The following CORO7 variants were observed in gnomAD, a reference collection of about 807,000 sequenced individuals.
The protein encoded by CORO7 is coronin 7.
A neutral mutation model predicts 126.6 loss-of-function variants in CORO7; 107 were observed. The ratio of observed to expected loss-of-function variants is 0.85; its 90% CI spans 0.72 to 0.99. The LOEUF (loss-of-function observed/expected upper bound fraction) is 0.99, where lower values mean the gene tolerates loss of function less well. CORO7 is among the 50% of genes least tolerant of loss of function. The pLI is 0.00. For synonymous variants in CORO7, 603 were observed against 536.8 expected (o/e 1.12, Z -1.70); for missense variants, 1,314 against 1,255.8 (o/e 1.05, Z -0.70).
chr16:4,365,196 A>C, intron 10 of CORO7, 136 bp from the exon 11 acceptor site: 2 of 1,381,456 alleles, frequency 1.4e-6, no homozygotes, highest in Non-Finnish European at 9.8e-7. Flanking sequence ...GCTCCCCAAC[A>C]TGCTGGGCGC....
intron 14 of CORO7, among the ~76,000 whole-genome samples, chr16:4,363,785 G>A (rs1014109672): frequency 4.6e-5 from 7 of 150,970 alleles, no homozygotes; most frequent in Non-Finnish European, 8.9e-5. Context: ...TTGGGAGGCC[G>A]AGGCGGGTGG....
Position 4,355,153 on chromosome 16 carries a change from G to T in CORO7, c.*5C>A. Reference sequence around the variant, plus strand: ...CAGGTGAGGTGGAGGTGACGGGGGCGCAGGCTAGTCCTGGGGCGAAACACC... The same window carrying T: ...CAGGTGAGGTGGAGGTGACGGGGGCTCAGGCTAGTCCTGGGGCGAAACACC... On this transcript the variant is annotated 3_prime_UTR_variant, in exon 28 of 28. Coordinates refer to ENST00000251166, the MANE Select transcript of CORO7 (RefSeq NM_024535.5). 1 of 1,511,798 alleles carries T rather than the reference G, an allele frequency of 6.6e-7. No homozygotes were observed. The highest frequency in any genetic ancestry group is 2.1e-5 in the Admixed American group (1 of 47,674). The allele number at this position is 1,511,798 out of a possible 1,614,324, so 93.6% of individuals were successfully genotyped here.
rs1366661696 is a variant in CORO7, at chr16:4,395,322, G to T, written c.582C>A (p.Ile194=). ...GTACKDKQLR[I]FDPRTKPRAS... is the part of the protein sequence containing the mutation. ...CCCGCGGCTTTGTTCTGGGGTCAAA[G>T]ATCCGCAGCTGCTTGTCCTGGAAAA... is the stretch of plus-strand genomic sequence containing the variant. The change falls in exon 7 of 28, where the codon ATC becomes ATA. Residue 194 remains isoleucine, a synonymous_variant. Transcript: ENST00000251166. 1 of 1,613,980 alleles carries T rather than the reference G, an allele frequency of 6.2e-7. No homozygotes were observed. Among genetic ancestry groups the T allele is most frequent in the African/African-American group, 1.3e-5 (1 of 74,946 alleles).
chr16:4,382,507 C>T (rs1325136474), intron 9 of CORO7: 5 of 1,592,334 alleles, frequency 3.1e-6, no homozygotes, highest in Admixed American at 3.5e-5. Context: ...CGGGCGGGTG[C>T]CGGAGGGCGA....
intron 23 of CORO7, 107 bp from the exon 24 acceptor site, chr16:4,358,590 G>T: frequency 1.9e-6 from 2 of 1,047,412 alleles, no homozygotes; most frequent in South Asian, 3.3e-5. Context: ...ACCATGCCTA[G>T]GGCCTGTCCC....
chr16:4,387,490 C>T lies in CORO7; in HGVS notation c.785+496G>A, dbSNP rs116090949. On this transcript the variant is annotated intron_variant, in intron 9 of 27. Transcript: ENST00000251166. ...GCCATGTGGCTGGTGTGGAGTAGGCCGCATAAACCTCAGTGGGCCGCATAA... is the reference window on the plus strand; with the variant it reads ...GCCATGTGGCTGGTGTGGAGTAGGCTGCATAAACCTCAGTGGGCCGCATAA... 3.0e-3 allele frequency among the ~76,000 whole-genome samples: 459 copies of T among 151,974 alleles called. 5 individuals carry two copies. The highest frequency in any genetic ancestry group is 0.011 in the African/African-American group (436 of 41,440).
intron 21 of CORO7, 45 bp downstream of exon 21, chr16:4,360,233 C>G (rs1467730823): frequency 6.2e-7 from 1 of 1,611,586 alleles, no homozygotes; most frequent in Non-Finnish European, 8.5e-7. Flanking sequence ...AAGGGGGACA[C>G]AGGTGGCTTC....
chr16:4,416,414 G>T, intron 1 of CORO7, 45 bp downstream of exon 1: 1 of 1,521,726 alleles, frequency 6.6e-7, no homozygotes, highest in Non-Finnish European at 8.7e-7. Flanking sequence ...GGGGCAGCCG[G>T]ACGGGGCCCG....
intron 9 of CORO7, chr16:4,382,470 C>T: frequency 2.5e-6 from 4 of 1,607,004 alleles, no homozygotes; most frequent in South Asian, 2.2e-5. Context: ...ACGCCACTTA[C>T]TCCGTCTGTG....
intron 21 of CORO7, 126 bp from the exon 22 acceptor site, chr16:4,359,747 C>T (rs866105588): frequency 4.8e-6 from 6 of 1,256,250 alleles, no homozygotes; most frequent in Middle Eastern, 2.7e-4. Flanking sequence ...GGCCCGGCAC[C>T]GCAGCCACAT....
chr16:4,360,247 A>C (rs777125303), intron 21 of CORO7, 31 bp downstream of exon 21: 15 of 1,613,056 alleles, frequency 9.3e-6, no homozygotes, highest in Non-Finnish European at 1.3e-5. Context: ...TGGCTTCTGA[A>C]GCCTGGGGAT....
intron 7 of CORO7, among the ~76,000 whole-genome samples, chr16:4,389,570 A>C (rs966935907): frequency 6.6e-6 from 1 of 152,128 alleles, no homozygotes; most frequent in Non-Finnish European, 1.5e-5. Flanking sequence ...GTGGGAGACC[A>C]TCGGAAACGG....
intron 9 of CORO7, among the ~76,000 whole-genome samples, chr16:4,386,680 A>G (rs996028529): frequency 1.5e-4 from 23 of 152,152 alleles, no homozygotes; most frequent in African/African-American, 5.1e-4. Flanking sequence ...CTTACCCTCC[A>G]TATGGCTTCA....
intron 9 of CORO7, among the ~76,000 whole-genome samples, chr16:4,379,526 G>C (rs1020095024): frequency 6.6e-6 from 1 of 152,154 alleles, no homozygotes; most frequent in African/African-American, 2.4e-5. Flanking sequence ...GCTCGGACTT[G>C]CTGGCACCGC....
chr16:4,360,993 C>A lies in CORO7; in HGVS notation c.1867G>T (p.Asp623Tyr). The change falls in exon 19 of 28, where the codon GAC (aspartate) becomes TAC (tyrosine). Residue 623 changes from aspartate (D) to tyrosine (Y), a missense_variant. Transcript: ENST00000251166. ...SSYDLTVRIW[D>Y]LQAGADRLKL... is the part of the protein sequence containing the mutation. ...AGCCGATCAGCTCCAGCCTGAAGGT[C>A]CCAGATGCGAACAGTGAGGTCATAG... 6.2e-7 allele frequency: 1 copy of A among 1,613,092 alleles called. No individual in the cohort carries two copies. Among genetic ancestry groups the A allele is most frequent in the African/African-American group, 1.3e-5 (1 of 75,058 alleles).
rs1366372210 is a variant in CORO7 at position 4,362,994 on chromosome 16, T to G, written c.1276-256A>C. 1 of 384,370 alleles carries G rather than the reference T, an allele frequency of 2.6e-6. No individual in the cohort carries two copies. Among genetic ancestry groups the G allele is most frequent in the Non-Finnish European group, 4.6e-6 (1 of 218,052 alleles). The allele number at this position is 384,370 out of a possible 1,614,324, so 23.8% of individuals were successfully genotyped here. The stretch of plus-strand genomic sequence containing the variant: ...CTGCAGGAGGGTGTGCCCAGTGGGT[T>G]AGATCTGCCAGTATTTTAAGAGAAG... On this transcript the variant is annotated intron_variant, in intron 14 of 27. Transcript: ENST00000251166. This position sits in a 1 kb window ranked among gnomAD's most constrained non-coding sequence, Gnocchi z 5.3.
intron 21 of CORO7, 73 bp from the exon 22 acceptor site, chr16:4,359,694 C>G (rs553006211): frequency 1.3e-6 from 2 of 1,515,608 alleles, no homozygotes; most frequent in African/African-American, 1.4e-5. Flanking sequence ...AAGGCGCCCA[C>G]GTAGCCCCTG....
chr16:4,390,654 G>A (rs2055355550), intron 7 of CORO7, among the ~76,000 whole-genome samples: 1 of 152,172 alleles, frequency 6.6e-6, no homozygotes, highest in Non-Finnish European at 1.5e-5. Flanking sequence ...TTCACCTAGG[G>A]GCACAGGCTA....
intron 16 of CORO7, 86 bp from the exon 17 acceptor site, chr16:4,361,555 G>T (rs1416905955): frequency 1.4e-6 from 2 of 1,469,652 alleles, no homozygotes; most frequent in African/African-American, 2.8e-5. Flanking sequence ...AGCATGTCTG[G>T]GAGCCCACCC....
Sources: allele counts gnomAD v4.1 joint callset (sites outside exome capture counted in the v4.1 genomes callset), GRCh38; gene constraint gnomAD v4.1.1; non-coding constraint Gnocchi (gnomAD v3.1); transcripts MANE v1.5; gene names NCBI Gene and HGNC (gene_info 2026-07-23, HGNC 2026-07-21).